The following SORCS2 variants were observed in gnomAD, a reference collection of about 807,000 sequenced individuals.
SORCS2 encodes VPS10 domain-containing receptor SorCS2.
Under a neutral mutation model 141.6 loss-of-function variants are expected in SORCS2, and 100 were observed. The ratio of observed to expected loss-of-function variants is 0.71; its 90% CI spans 0.60 to 0.83. The LOEUF (loss-of-function observed/expected upper bound fraction) is 0.83. Among genes scored for constraint, SORCS2 ranks in the 40% least tolerant of loss-of-function variants. The pLI is 0.00. For synonymous variants in SORCS2, 789 were observed against 676.9 expected, an observed-to-expected ratio of 1.17 and a Z score of -2.57; for missense variants, 1,646 against 1,560.2, an observed-to-expected ratio of 1.05 and a Z score of -0.93.
intron 1 of SORCS2, among the ~76,000 whole-genome samples, chr4:7,360,523 G>A (rs1215712073): frequency 7.0e-6 from 1 of 142,962 alleles, no homozygotes; most frequent in Non-Finnish European, 1.5e-5. Flanking sequence ...TCCAGGCTCT[G>A]TGGCATCCTG....
At chr4:7,445,789 G>C (rs60438277) in intron 2 of SORCS2, among the ~76,000 whole-genome samples, 4,569 of 152,046 alleles carry the variant, frequency 0.03, 246 homozygotes, top group African/African-American at 0.1. Flanking sequence ...GGCTGGATAC[G>C]TCGGGAAGTA....
intron 18 of SORCS2, among the ~76,000 whole-genome samples, chr4:7,721,709 G>A (rs1166856044): frequency 1.3e-5 from 2 of 152,198 alleles, no homozygotes; most frequent in African/African-American, 4.8e-5. Flanking sequence ...GGCACCCGGT[G>A]GGGTCCTAGT....
rs1033070676 is a variant in SORCS2, at chr4:7,478,128, C to T, written c.549-53402C>T. Reference sequence around the variant, plus strand: ...GCAGCCCCTCCAGAGGCTGGGGTCCCGCAGCAGACCACCCATAACGGGAGC... The same window carrying T: ...GCAGCCCCTCCAGAGGCTGGGGTCCTGCAGCAGACCACCCATAACGGGAGC... On this transcript the variant is annotated intron_variant, in intron 2 of 26. Transcript: ENST00000507866. Among the ~76,000 whole-genome samples the T allele has an allele frequency of 3.1e-4, 47 of 152,292 alleles. 1 individual carries two copies. The highest frequency in any genetic ancestry group is 2.7e-3 in the Admixed American group (42 of 15,292).
At chr4:7,585,988 G>T (rs1300525471) in intron 3 of SORCS2, among the ~76,000 whole-genome samples, 1 of 152,190 alleles carries the variant, frequency 6.6e-6, no homozygotes, top group Non-Finnish European at 1.5e-5. Context: ...CCTCCTTCTA[G>T]TTAAATATTT....
intron 1 of SORCS2, among the ~76,000 whole-genome samples, chr4:7,265,042 C>T (rs549065053): frequency 7.9e-5 from 12 of 152,360 alleles, no homozygotes; most frequent in South Asian, 6.2e-4. Flanking sequence ...CAGGCTTCCC[C>T]GATGCCTCTG....
chr4:7,333,701 A>C (rs940206871), intron 1 of SORCS2, among the ~76,000 whole-genome samples: 1 of 152,136 alleles, frequency 6.6e-6, no homozygotes, highest in Non-Finnish European at 1.5e-5. Flanking sequence ...AGGTCTCCCC[A>C]CAGGTTCCAA....
At chr4:7,226,495 T>TG (rs1729000714) in intron 1 of SORCS2, among the ~76,000 whole-genome samples, 1 of 150,424 alleles carries the variant, frequency 6.6e-6, no homozygotes, top group Non-Finnish European at 1.5e-5. Context: ...GCCGGGTGAG[T>TG]GGGGGTTGGG....
intron 1 of SORCS2, among the ~76,000 whole-genome samples, chr4:7,255,257 G>A (rs78049473): frequency 0.025 from 3,878 of 152,106 alleles, 187 homozygotes; most frequent in African/African-American, 0.089. Flanking sequence ...TGGGCCTTGG[G>A]AGAATCTAAC....
intron 1 of SORCS2, among the ~76,000 whole-genome samples, chr4:7,362,916 A>G (rs1721670203): frequency 6.7e-6 from 1 of 150,116 alleles, no homozygotes; most frequent in Non-Finnish European, 1.5e-5. Flanking sequence ...TACTATCATC[A>G]TCACCATCAC....
At chr4:7,481,874 G>A (rs1301707617) in intron 2 of SORCS2, among the ~76,000 whole-genome samples, 1 of 152,052 alleles carries the variant, frequency 6.6e-6, no homozygotes, top group Non-Finnish European at 1.5e-5. Flanking sequence ...GCCTCTCCCC[G>A]CTCATCCACC....
intron 1 of SORCS2, among the ~76,000 whole-genome samples, chr4:7,364,672 C>T (rs1721776754): frequency 1.3e-5 from 2 of 152,186 alleles, no homozygotes; most frequent in Admixed American, 6.5e-5. Context: ...AGGGAGCAAG[C>T]TAACATTGGC....
chr4:7,325,128 C>T (rs1425972576), intron 1 of SORCS2, among the ~76,000 whole-genome samples: 1 of 152,202 alleles, frequency 6.6e-6, no homozygotes, highest in East Asian at 1.9e-4. Context: ...CCCCAGGCCC[C>T]CTTGGGTGGG....
At chr4:7,463,038 A>G (rs890182778) in intron 2 of SORCS2, among the ~76,000 whole-genome samples, 1 of 151,824 alleles carries the variant, frequency 6.6e-6, no homozygotes, top group East Asian at 1.9e-4. Flanking sequence ...CAGTGTGACA[A>G]CAGCCCCACA....
intron 1 of SORCS2, among the ~76,000 whole-genome samples, chr4:7,250,099 AGGTGTGGTG>A (rs1309342884): frequency 1.3e-5 from 2 of 152,116 alleles, no homozygotes; most frequent in Admixed American, 1.3e-4. Flanking sequence ...AAAATTAGCC[AGGTGTGGTG>A]GCATGCACCT....
At chr4:7,240,236 G>A (rs192875553) in intron 1 of SORCS2, among the ~76,000 whole-genome samples, 2 of 152,298 alleles carry the variant, frequency 1.3e-5, no homozygotes, top group East Asian at 3.9e-4. Context: ...GGTACCTGCG[G>A]GTGTTGCTTG....
chr4:7,453,280 G>T (rs1577588797), intron 2 of SORCS2, among the ~76,000 whole-genome samples: 9 of 131,926 alleles, frequency 6.8e-5, no homozygotes, highest in Admixed American at 7.4e-5. Context: ...CTGTGTTGGG[G>T]TCAGGAGCTG....
chr4:7,724,352 TAG>T (rs1291693961), intron 19 of SORCS2, among the ~76,000 whole-genome samples: 117 of 138,586 alleles, frequency 8.4e-4, no homozygotes, highest in African/African-American at 3.1e-3. Flanking sequence ...ATGGTAACAG[TAG>T]TGGTAGTAAT....
intron 2 of SORCS2, among the ~76,000 whole-genome samples, chr4:7,499,826 A>G (rs902512432): frequency 1.1e-4 from 16 of 152,166 alleles, no homozygotes; most frequent in African/African-American, 3.4e-4. Context: ...AGAGCAAACA[A>G]TCGGGGACCG....
chr4:7,352,422 G>A (rs547643618), intron 1 of SORCS2, among the ~76,000 whole-genome samples: 1 of 152,300 alleles, frequency 6.6e-6, no homozygotes, highest in South Asian at 2.1e-4. Context: ...GGGCAGTGCT[G>A]GGACTCACCC....
Sources: gnomAD v4.1 joint callset for allele counts (sites outside exome capture counted in the v4.1 genomes callset) on GRCh38, gnomAD v4.1.1 for gene constraint, MANE v1.5 for transcripts, NCBI Gene and HGNC (gene_info 2026-07-23, HGNC 2026-07-21) for gene names.